GPR141: variants seen among roughly 807,000 people sequenced by gnomAD.
GPR141 encodes the protein G protein-coupled receptor 141, also known as probable G protein-coupled receptor 141.
In GPR141, 6 loss-of-function variants were observed where a neutral mutation model predicts 6.8. The observed-to-expected ratio is 0.88, with a 90% CI of 0.48 to 1.74. The LOEUF (loss-of-function observed/expected upper bound fraction) is 1.74. Ranked by LOEUF, GPR141 falls within the 40% of genes most tolerant of loss-of-function variation. GPR141 has a pLI of 0.01. For synonymous variants in GPR141, 140 were observed against 142.3 expected, an observed-to-expected ratio of 0.98 and a Z score of 0.11; for missense variants, 372 against 372.9, an observed-to-expected ratio of 1.00 and a Z score of 0.02.
intron 2 of GPR141, among the ~76,000 whole-genome samples, chr7:37,696,929 TTAATAGTAA>T (rs1439608970): frequency 1.3e-5 from 2 of 152,170 alleles, no homozygotes; most frequent in African/African-American, 4.8e-5. Flanking sequence ...GGAAAAAATT[TTAATAGTAA>T]AATAGAAATG....
chr7:37,700,652 A>G (rs1810239405), intron 2 of GPR141, among the ~76,000 whole-genome samples: 1 of 152,248 alleles, frequency 6.6e-6, no homozygotes, highest in Non-Finnish European at 1.5e-5. Context: ...TTTTATGTTT[A>G]TAGTCAAATA....
At chr7:37,723,308 G>A (rs1811443097) in intron 2 of GPR141, among the ~76,000 whole-genome samples, 1 of 151,652 alleles carries the variant, frequency 6.6e-6, no homozygotes, top group African/African-American at 2.4e-5. Context: ...GTCCAGAAAT[G>A]CCTAATTTTT....
intron 2 of GPR141, among the ~76,000 whole-genome samples, chr7:37,698,334 G>T (rs1810119404): frequency 6.6e-6 from 1 of 152,074 alleles, no homozygotes; most frequent in Non-Finnish European, 1.5e-5. Context: ...CTACCACCAT[G>T]GTACAGTTTT....
chr7:37,691,720 T>A (rs1300575358), intron 2 of GPR141, among the ~76,000 whole-genome samples: 3 of 152,200 alleles, frequency 2.0e-5, no homozygotes, highest in Non-Finnish European at 4.4e-5. Context: ...TGGTAGTAAA[T>A]TCTCTTAGTT....
At chr7:37,727,371 T>G (rs1811687432) in intron 2 of GPR141, among the ~76,000 whole-genome samples, 1 of 152,192 alleles carries the variant, frequency 6.6e-6, no homozygotes, top group African/African-American at 2.4e-5. Flanking sequence ...CTTTTTTGCT[T>G]CTATCTGTGG....
chr7:37,695,821 A>G (rs1809990833), intron 2 of GPR141, among the ~76,000 whole-genome samples: 1 of 152,216 alleles, frequency 6.6e-6, no homozygotes, highest in Non-Finnish European at 1.5e-5. Flanking sequence ...GAATTTAAAA[A>G]TGTATATTGA....
chr7:37,741,469 A>G lies in GPR141; in HGVS notation c.*158A>G. 1 of 587,906 alleles carries G rather than the reference A, an allele frequency of 1.7e-6. No individual in the cohort carries two copies. The highest frequency in any genetic ancestry group is 3.0e-6 in the Non-Finnish European group (1 of 338,624). 36.4% of individuals were successfully genotyped at this position (587,906 alleles called of 1,614,324 possible). A position where few individuals can be genotyped will look rare whatever the true frequency, so the allele number is the denominator to read the frequency against. The stretch of plus-strand genomic sequence containing the variant: ...TGCAAGAGCCCTCATTGTAGTCCTT[A>G]TGGGATCCCTCCCATCTCTGAGTGA... On this transcript the variant is annotated 3_prime_UTR_variant, in exon 3 of 3. Coordinates refer to ENST00000334425, the MANE Select transcript of GPR141 (RefSeq NM_001381946.1).
At chr7:37,685,752 CTTT>C (rs35789715) in intron 2 of GPR141, among the ~76,000 whole-genome samples, 169 bp downstream of exon 2, 47 of 113,142 alleles carry the variant, frequency 4.2e-4, no homozygotes, top group East Asian at 2.5e-3. Context: ...CCTGGCAGCA[CTTT>C]TTTTTTTTTT....
chr7:37,735,744 A>G (rs1412097830), intron 2 of GPR141, among the ~76,000 whole-genome samples: 3 of 152,246 alleles, frequency 2.0e-5, no homozygotes, highest in Admixed American at 6.5e-5. Flanking sequence ...ATAGAAGTAT[A>G]TCTATAAATG....
intron 2 of GPR141, among the ~76,000 whole-genome samples, chr7:37,735,222 G>A (rs1162325302): frequency 6.6e-6 from 1 of 152,194 alleles, no homozygotes; most frequent in Non-Finnish European, 1.5e-5. Flanking sequence ...AATTAGTGAA[G>A]AGGTCATGAC....
At chr7:37,713,993 T>G (rs1251197732) in intron 2 of GPR141, among the ~76,000 whole-genome samples, 4 of 152,238 alleles carry the variant, frequency 2.6e-5, no homozygotes, top group Non-Finnish European at 2.9e-5. Context: ...TAGTTTGGTT[T>G]GGCTATGAAG....
rs1416917136 is a variant in GPR141 at position 37,698,521 on chromosome 7, C to G, written c.-15+12938C>G. 3.3e-5 allele frequency among the ~76,000 whole-genome samples: 5 copies of G among 152,148 alleles called. No homozygotes were observed. In the East Asian group the frequency reaches 5.8e-4, roughly 18 times the overall value. On this transcript the variant is annotated intron_variant, in intron 2 of 2. Coordinates refer to ENST00000334425, the MANE Select transcript of GPR141 (RefSeq NM_001381946.1). ...CAACTTAGTAAGGGAGTATTAGAAA[C>G]AGTCTGTGGAAGGATTTGGGTTTTG...
intron 2 of GPR141, among the ~76,000 whole-genome samples, chr7:37,696,188 C>T (rs559813150): frequency 5.3e-5 from 8 of 152,104 alleles, no homozygotes; most frequent in East Asian, 1.9e-4. Context: ...TTTATAATAA[C>T]GTTATTATAA....
intron 2 of GPR141, among the ~76,000 whole-genome samples, chr7:37,723,169 T>G (rs1811433838): frequency 6.6e-6 from 1 of 151,882 alleles, no homozygotes. Context: ...ATTTTTGTAT[T>G]TTTAGTACAG....
In GPR141 at chr7:37,716,198, C is replaced by T. The variant is rs1009790034; in HGVS notation, c.-14-24182C>T. On this transcript the variant is annotated intron_variant, in intron 2 of 2. Transcript: ENST00000334425. ...ATCTAGAGAGCACGCTTGCTAAGAACGGTGGGAGAAACTGACAAGAATTAG... is the reference window on the plus strand; with the variant it reads ...ATCTAGAGAGCACGCTTGCTAAGAATGGTGGGAGAAACTGACAAGAATTAG... 5.3e-5 allele frequency among the ~76,000 whole-genome samples: 8 copies of T among 152,104 alleles called. No individual in the cohort carries two copies. The East Asian group carries it at 5.8e-4, about 11-fold the overall frequency.
intron 2 of GPR141, among the ~76,000 whole-genome samples, chr7:37,733,546 C>T (rs1172771894): frequency 1.3e-5 from 2 of 151,858 alleles, no homozygotes; most frequent in South Asian, 2.1e-4. Flanking sequence ...GTGGCAGGCA[C>T]CTGTAATCCC....
intron 2 of GPR141, among the ~76,000 whole-genome samples, chr7:37,715,855 C>G (rs1312773642): frequency 1.3e-5 from 2 of 152,184 alleles, no homozygotes; most frequent in East Asian, 3.8e-4. Context: ...ATTCCACTAC[C>G]TAAAACAAGA....
At chr7:37,693,431 T>C (rs1809873886) in intron 2 of GPR141, among the ~76,000 whole-genome samples, 1 of 152,216 alleles carries the variant, frequency 6.6e-6, no homozygotes. Flanking sequence ...TGAAGTCAGG[T>C]AGCATGATGC....
chr7:37,703,511 G>A (rs1810387130), intron 2 of GPR141, among the ~76,000 whole-genome samples: 1 of 152,114 alleles, frequency 6.6e-6, no homozygotes, highest in African/African-American at 2.4e-5. Context: ...ACCTCCATGT[G>A]ACTTCCTTTT....
Sources: gnomAD v4.1 joint callset for allele counts (sites outside exome capture counted in the v4.1 genomes callset) on GRCh38, gnomAD v4.1.1 for gene constraint, MANE v1.5 for transcripts, NCBI Gene and HGNC (gene_info 2026-07-23, HGNC 2026-07-21) for gene names.